Variants in ADGRB1 observed in about 807,000 individuals in gnomAD.
ADGRB1 encodes adhesion G protein-coupled receptor B1, also known as brain-specific angiogenesis inhibitor 1.
In ADGRB1, 36 loss-of-function variants were observed where a neutral mutation model predicts 175.7. That is an observed-to-expected ratio of 0.20 (90% confidence interval 0.16 to 0.27). The LOEUF (loss-of-function observed/expected upper bound fraction) is 0.27. ADGRB1 is among the 10% of genes least tolerant of loss of function. The probability of loss-of-function intolerance (pLI) is 1.00; values close to 1 mark genes in which losing one functional copy is unlikely to be tolerated. For missense variants in ADGRB1, 1,731 were observed against 2,255.3 expected, an observed-to-expected ratio of 0.77 and a Z score of 4.71; for synonymous variants, 1,054 against 979.4, an observed-to-expected ratio of 1.08 and a Z score of -1.42.
At chr8:142,505,288 G>A (rs1231509870) in intron 17 of ADGRB1, among the ~76,000 whole-genome samples, 3 of 152,328 alleles carry the variant, frequency 2.0e-5, no homozygotes, top group Middle Eastern at 3.4e-3. Flanking sequence ...GGCGCTTGCC[G>A]GGGGTGCAGG....
intron 18 of ADGRB1, among the ~76,000 whole-genome samples, chr8:142,514,328 C>G (rs1337472210): frequency 6.6e-6 from 1 of 152,072 alleles, no homozygotes; most frequent in Non-Finnish European, 1.5e-5. Context: ...TCCTCTAGAG[C>G]TGGCCTGGAG....
chr8:142,529,415 C>T (rs1844456687), intron 24 of ADGRB1, among the ~76,000 whole-genome samples: 2 of 152,100 alleles, frequency 1.3e-5, no homozygotes, highest in Non-Finnish European at 2.9e-5. Flanking sequence ...AGCCAACCGC[C>T]CCCATACCCC....
chr8:142,457,452 T>G (rs1183389823), intron 1 of ADGRB1, among the ~76,000 whole-genome samples: 1 of 152,194 alleles, frequency 6.6e-6, no homozygotes, highest in Non-Finnish European at 1.5e-5. Flanking sequence ...GCCAGATTCT[T>G]TGGGCACCCC....
Position 142,481,594 on chromosome 8 carries a change from G to A in ADGRB1, c.2013G>A (p.Glu671=), listed in dbSNP as rs780173472. ...GVSEVIQTLV[E]ISQDGTSYSG... ...CGGAGGTCATCCAGACACTGGTGGA[G>A]ATCTCTCAGGACGGGACCAGCTACA... The change falls in exon 11 of 31, where the codon GAG becomes GAA. Residue 671 remains glutamate, a synonymous_variant. Coordinates refer to ENST00000517894, the MANE Select transcript of ADGRB1 (RefSeq NM_001702.3). The A allele has an allele frequency of 4.4e-6, 7 of 1,603,122 alleles. No individual in the cohort carries two copies. The highest frequency in any genetic ancestry group is 5.1e-6 in the Non-Finnish European group (6 of 1,175,088).
intron 19 of ADGRB1, among the ~76,000 whole-genome samples, chr8:142,519,888 G>A (rs1283894996): frequency 1.3e-5 from 2 of 149,902 alleles, no homozygotes; most frequent in Admixed American, 1.3e-4. Context: ...GATTGTGGTG[G>A]TGGTTGTGTT....
intron 9 of ADGRB1, among the ~76,000 whole-genome samples, chr8:142,480,123 C>T (rs1043296890): frequency 2.6e-5 from 4 of 152,178 alleles, no homozygotes; most frequent in African/African-American, 4.8e-5. Flanking sequence ...CCGGGGCTTG[C>T]GGGGACAGGA....
At chr8:142,538,690 C>T (rs1845082139) in intron 26 of ADGRB1, among the ~76,000 whole-genome samples, 1 of 152,198 alleles carries the variant, frequency 6.6e-6, no homozygotes, top group Non-Finnish European at 1.5e-5. Context: ...TCTGGGCCGC[C>T]CACTCCTGCC....
rs568766735 is a variant in ADGRB1 at position 142,492,154 on chromosome 8, C to G, written c.2675+1339C>G. Among the ~76,000 whole-genome samples, 27 of 152,224 alleles carry G rather than the reference C, an allele frequency of 1.8e-4. No homozygotes were observed. The highest frequency in any genetic ancestry group is 2.5e-4 in the Non-Finnish European group (17 of 68,012). On this transcript the variant is annotated intron_variant, in intron 17 of 30. Transcript: ENST00000517894. This position sits in a 1 kb window ranked among gnomAD's most constrained non-coding sequence, Gnocchi z 4.4. ...TCCACCCACCAACCATCAACCCTCTCCTTCGTCCACCTGTTCTTTAATCTA... is the reference window on the plus strand; with the variant it reads ...TCCACCCACCAACCATCAACCCTCTGCTTCGTCCACCTGTTCTTTAATCTA...
chr8:142,529,667 T>C (rs1844482187), intron 24 of ADGRB1, among the ~76,000 whole-genome samples: 1 of 150,990 alleles, frequency 6.6e-6, no homozygotes, highest in African/African-American at 2.4e-5. Flanking sequence ...TGAGTGTGCA[T>C]CTGTGTGTAC....
At chr8:142,515,569 TG>T (rs1408078904) in intron 18 of ADGRB1, among the ~76,000 whole-genome samples, 1 of 152,218 alleles carries the variant, frequency 6.6e-6, no homozygotes, top group Admixed American at 6.5e-5. Context: ...CGGCCGCCTG[TG>T]ACCTTTGTGG....
rs566996349 is a variant in ADGRB1, at chr8:142,536,699, A to T, written c.3571-288A>T. Among the ~76,000 whole-genome samples, 33 of 148,502 alleles carry T rather than the reference A, an allele frequency of 2.2e-4. 1 individual carries two copies. In the East Asian group the frequency reaches 6.3e-3, roughly 28 times the overall value. The stretch of plus-strand genomic sequence containing the variant: ...GGTCAGGGCAGGTTCTCGCAGGCGG[A>T]CTCTGGCCCGAGGGCCTGCAGCAGC... On this transcript the variant is annotated intron_variant, in intron 25 of 30. Coordinates refer to ENST00000517894, the MANE Select transcript of ADGRB1 (RefSeq NM_001702.3).
intron 2 of ADGRB1, among the ~76,000 whole-genome samples, chr8:142,469,171 GCATGTGTGTGAATGTGTGCACA>G (rs1160396312): frequency 2.0e-5 from 3 of 147,408 alleles, no homozygotes; most frequent in Admixed American, 6.8e-5. Flanking sequence ...GTGTGTGTGT[GCATGTGTGTGAATGTGTGCACA>G]TGTGCATGTG....
intron 2 of ADGRB1, among the ~76,000 whole-genome samples, chr8:142,472,205 G>A (rs913025166): frequency 2.0e-5 from 3 of 152,294 alleles, no homozygotes; most frequent in South Asian, 2.1e-4. Context: ...CAGCCAACTC[G>A]GGGTGCGGGC....
chr8:142,462,161 A>T (rs1192111343), intron 1 of ADGRB1, among the ~76,000 whole-genome samples: 1 of 152,050 alleles, frequency 6.6e-6, no homozygotes, highest in Non-Finnish European at 1.5e-5. Flanking sequence ...CCAGGATGGG[A>T]AGATTGTTTT....
At chr8:142,454,139 C>G (rs1839521011) in intron 1 of ADGRB1, among the ~76,000 whole-genome samples, 1 of 152,154 alleles carries the variant, frequency 6.6e-6, no homozygotes, top group Non-Finnish European at 1.5e-5. Context: ...CATGGGCCGC[C>G]AGGTCATAGG....
rs929492556 is a variant in ADGRB1, at chr8:142,474,376, G to T, written c.785-1098G>T. Reference sequence around the variant, plus strand: ...GGCCGCCAGCTGTCTCCTCGCCACCGTAGCCAGGAGCAGCACTTGGCAAGG... The same window carrying T: ...GGCCGCCAGCTGTCTCCTCGCCACCTTAGCCAGGAGCAGCACTTGGCAAGG... On this transcript the variant is annotated intron_variant, in intron 2 of 30. Coordinates refer to ENST00000517894, the MANE Select transcript of ADGRB1 (RefSeq NM_001702.3). This position sits in a 1 kb window ranked among gnomAD's most constrained non-coding sequence, Gnocchi z 5.8. Among the ~76,000 whole-genome samples, 4 of 152,144 alleles carry T rather than the reference G, an allele frequency of 2.6e-5. No homozygotes were observed. The highest frequency in any genetic ancestry group is 6.5e-5 in the Admixed American group (1 of 15,284).
At chr8:142,498,628 G>C (rs1842338182) in intron 17 of ADGRB1, among the ~76,000 whole-genome samples, 1 of 151,984 alleles carries the variant, frequency 6.6e-6, no homozygotes, top group Non-Finnish European at 1.5e-5. Context: ...ACTATATTGA[G>C]AGTCTGTGCC....
At chr8:142,536,906 A>C in intron 25 of ADGRB1, 81 bp from the exon 26 acceptor site, 1 of 1,220,736 alleles carries the variant, frequency 8.2e-7, no homozygotes. Flanking sequence ...CCGCCCCCCC[A>C]CAGGTGCTGC....
At chr8:142,495,916 T>A (rs1459229483) in intron 17 of ADGRB1, among the ~76,000 whole-genome samples, 2 of 4,290 alleles carry the variant, frequency 4.7e-4, no homozygotes, top group African/African-American at 2.1e-3. Flanking sequence ...AGTGCATGAG[T>A]GGGTGGGCGG....
Sources: allele counts gnomAD v4.1 joint callset (sites outside exome capture counted in the v4.1 genomes callset), GRCh38; gene constraint gnomAD v4.1.1; non-coding constraint Gnocchi (gnomAD v3.1); transcripts MANE v1.5; gene names NCBI Gene and HGNC (gene_info 2026-07-23, HGNC 2026-07-21).